The following RFFL variants were observed in gnomAD, a reference collection of about 807,000 sequenced individuals.
RFFL encodes the protein E3 ubiquitin-protein ligase rififylin.
Under a neutral mutation model 40.4 loss-of-function variants are expected in RFFL, and 16 were observed. The observed-to-expected ratio is 0.40, with a 90% CI of 0.27 to 0.60. The LOEUF (loss-of-function observed/expected upper bound fraction) is 0.60, where lower values mean the gene tolerates loss of function less well. RFFL is among the 20% of genes least tolerant of loss of function. The pLI is 0.47. For synonymous variants in RFFL, 154 were observed against 167.9 expected (o/e 0.92, Z 0.64); for missense variants, 367 against 451.7 (o/e 0.81, Z 1.70).
intron 1 of RFFL, among the ~76,000 whole-genome samples, chr17:35,044,568 T>G (rs1269581422): frequency 6.6e-6 from 1 of 152,128 alleles, no homozygotes; most frequent in African/African-American, 2.4e-5. Flanking sequence ...GACTCGACAC[T>G]GCACCACTGC....
chr17:35,056,190 A>C (rs1308871306), intron 1 of RFFL, among the ~76,000 whole-genome samples: 1 of 151,614 alleles, frequency 6.6e-6, no homozygotes, highest in Admixed American at 6.6e-5. Flanking sequence ...CCCCTTACAG[A>C]CTCCTTCTCC....
chr17:35,035,266 G>A (rs574118485), intron 1 of RFFL, among the ~76,000 whole-genome samples: 3 of 151,996 alleles, frequency 2.0e-5, no homozygotes, highest in South Asian at 2.1e-4. Flanking sequence ...AAAATTAGCC[G>A]GGCATGGTGG....
intron 1 of RFFL, among the ~76,000 whole-genome samples, chr17:35,037,096 C>T (rs763524998): frequency 1.1e-4 from 16 of 152,310 alleles, no homozygotes; most frequent in Non-Finnish European, 2.1e-4. Flanking sequence ...GGAATTAACA[C>T]ACTTATGGTG....
At position 35,008,478 on chromosome 17, in the gene RFFL, G is replaced by A. The variant is rs2090911957; in HGVS notation, c.*3490C>T. 1 of 151,586 alleles carries A rather than the reference G, an allele frequency of 6.6e-6. No individual in the cohort carries two copies. Among genetic ancestry groups the A allele is most frequent in the South Asian group, 2.1e-4 (1 of 4,782 alleles). The allele number at this position is 151,586 out of a possible 1,614,324, so 9.4% of individuals were successfully genotyped here. On this transcript the variant is annotated 3_prime_UTR_variant, in exon 7 of 7. Transcript: ENST00000394597. ...ATACAGGGTCTCACTCTGTCACCCTGGCTGGAGTGCGGTGGCGATCAGAGC... is the reference window on the plus strand; with the variant it reads ...ATACAGGGTCTCACTCTGTCACCCTAGCTGGAGTGCGGTGGCGATCAGAGC...
intron 1 of RFFL, among the ~76,000 whole-genome samples, chr17:35,080,919 C>A (rs1400045158): frequency 6.6e-6 from 1 of 152,110 alleles, no homozygotes; most frequent in African/African-American, 2.4e-5. Flanking sequence ...AACATGAAAA[C>A]AGAAAATGTA....
upstream of RFFL, among the ~76,000 whole-genome samples, chr17:35,065,310 C>T (rs1444170917): frequency 6.6e-6 from 1 of 152,102 alleles, no homozygotes; most frequent in Non-Finnish European, 1.5e-5. Flanking sequence ...AATTGCAGCA[C>T]TTTGGAAGGC....
rs1452949318 is a variant in RFFL at position 35,008,203 on chromosome 17, A to C, written c.*3765T>G. ...CTTCTAGATCAGTGTAAATATCTGA[A>C]CTCACTTGGTGCTTCAACCCAATTG... On this transcript the variant is annotated 3_prime_UTR_variant, in exon 7 of 7. Coordinates refer to ENST00000394597, the MANE Select transcript of RFFL (RefSeq NM_001017368.2). The C allele has an allele frequency of 2.2e-4, 34 of 152,148 alleles. No individual in the cohort carries two copies. The highest frequency in any genetic ancestry group is 2.2e-3 in the Admixed American group (34 of 15,284). 9.4% of individuals were successfully genotyped at this position (152,148 alleles called of 1,614,324 possible).
intron 2 of RFFL, 138 bp from the exon 3 acceptor site, chr17:35,021,919 C>G: frequency 3.7e-6 from 3 of 818,646 alleles, no homozygotes; most frequent in Non-Finnish European, 5.7e-6. Flanking sequence ...TCTCATATAT[C>G]TAAGGGTGCA....
At chr17:35,061,816 G>A (rs1210041965) in intron 1 of RFFL, among the ~76,000 whole-genome samples, 1 of 151,888 alleles carries the variant, frequency 6.6e-6, no homozygotes, top group South Asian at 2.1e-4. Context: ...GAGTAACTGG[G>A]ATTATAGGCA....
chr17:35,060,539 T>C (rs1443025639), intron 1 of RFFL, among the ~76,000 whole-genome samples: 2 of 152,164 alleles, frequency 1.3e-5, no homozygotes, highest in Non-Finnish European at 2.9e-5. Context: ...AAATAAAGCC[T>C]ACCCAACGCA....
chr17:35,086,265 G>C (rs150935808), intron 1 of RFFL, among the ~76,000 whole-genome samples: 1 of 152,044 alleles, frequency 6.6e-6, no homozygotes, highest in African/African-American at 2.4e-5. Context: ...CCAGAGGATC[G>C]CTTGAGCTCA....
rs571960909 is a variant in RFFL at position 35,023,309 on chromosome 17, A to C, written c.181-1528T>G. On this transcript the variant is annotated intron_variant, in intron 2 of 6. Transcript: ENST00000394597. ...AAATGTCTGCATAGTTAAGATAGTT[A>C]TATAAGTTTTGTCTAAGTATCATTC... Among the ~76,000 whole-genome samples, 6 of 152,374 alleles carry C rather than the reference A, an allele frequency of 3.9e-5. No individual in the cohort carries two copies. In the East Asian group the frequency reaches 1.2e-3, roughly 29 times the overall value.
intron 1 of RFFL, among the ~76,000 whole-genome samples, chr17:35,085,994 G>A (rs997895908): frequency 1.3e-5 from 2 of 152,156 alleles, no homozygotes; most frequent in Non-Finnish European, 2.9e-5. Context: ...GAAACAGGGA[G>A]GGCAGAGGTC....
chr17:35,025,147 A>C (rs577636852), intron 2 of RFFL: 1 of 152,318 alleles, frequency 6.6e-6, no homozygotes, highest in South Asian at 2.1e-4. Context: ...GTAGATATTC[A>C]GTAATTCATT....
chr17:35,042,673 A>G (rs764329063), intron 1 of RFFL, among the ~76,000 whole-genome samples: 2 of 151,866 alleles, frequency 1.3e-5, no homozygotes, highest in Non-Finnish European at 2.9e-5. Flanking sequence ...AAAATACAAA[A>G]AATTAGCTGG....
At chr17:35,040,388 G>T (rs2091155775) in intron 1 of RFFL, among the ~76,000 whole-genome samples, 1 of 152,010 alleles carries the variant, frequency 6.6e-6, no homozygotes, top group African/African-American at 2.4e-5. Context: ...GATCACTTGA[G>T]GTCGGGAGTT....
At chr17:35,082,035 A>G (rs2091405185) in intron 1 of RFFL, among the ~76,000 whole-genome samples, 1 of 152,214 alleles carries the variant, frequency 6.6e-6, no homozygotes, top group South Asian at 2.1e-4. Flanking sequence ...TAAGAAATTA[A>G]TCTCTAAAAT....
At chr17:35,070,924 C>T (rs1355011222) in intron 1 of RFFL, among the ~76,000 whole-genome samples, 1 of 152,146 alleles carries the variant, frequency 6.6e-6, no homozygotes, top group Non-Finnish European at 1.5e-5. Flanking sequence ...TGGCCAGGCA[C>T]GGTGGCCCAT....
chr17:35,033,789 T>C (rs997708027), intron 1 of RFFL, among the ~76,000 whole-genome samples: 2 of 151,744 alleles, frequency 1.3e-5, no homozygotes, highest in Non-Finnish European at 2.9e-5. Context: ...GGAGAATCGC[T>C]TGAGGCCAGG....
Sources: gnomAD v4.1 joint callset for allele counts (sites outside exome capture counted in the v4.1 genomes callset) on GRCh38, gnomAD v4.1.1 for gene constraint, MANE v1.5 for transcripts, NCBI Gene and HGNC (gene_info 2026-07-23, HGNC 2026-07-21) for gene names.